The following KLF15 variants were observed in gnomAD, a reference collection of about 807,000 sequenced individuals.
KLF15 encodes Krueppel-like factor 15.
KLF15 carries 4 observed loss-of-function variants against 24.6 expected under a neutral mutation model. That is an observed-to-expected ratio of 0.16 (90% confidence interval 0.08 to 0.37). The LOEUF (loss-of-function observed/expected upper bound fraction) is 0.37. Ranked by LOEUF, KLF15 falls within the 10% of genes least tolerant of loss-of-function variation. The pLI is 1.00. For missense variants in KLF15, 496 were observed against 560.6 expected, an observed-to-expected ratio of 0.88 and a Z score of 1.16; for synonymous variants, 246 against 236.3, an observed-to-expected ratio of 1.04 and a Z score of -0.37.
At chr3:126,333,261 A>G in the KLF15 span, among the ~76,000 whole-genome samples, 16 of 85,004 alleles carry the variant, frequency 1.9e-4, no homozygotes, top group African/African-American at 6.9e-4. Flanking sequence ...AGTGGGGGCC[A>G]ATATTCAACA....
the KLF15 span, among the ~76,000 whole-genome samples, chr3:126,307,867 A>AG: frequency 6.6e-6 from 1 of 151,982 alleles, no homozygotes; most frequent in Non-Finnish European, 1.5e-5. Flanking sequence ...AGTTCCCCCC[A>AG]GGCCAGGCCA....
the KLF15 span, among the ~76,000 whole-genome samples, chr3:126,323,406 TATA>T: frequency 1.4e-4 from 3 of 22,132 alleles, no homozygotes; most frequent in African/African-American, 5.6e-4. Flanking sequence ...CCAGTAGTTA[TATA>T]TATATATATA....
chr3:126,319,945 G>A, the KLF15 span, among the ~76,000 whole-genome samples: 1 of 152,180 alleles, frequency 6.6e-6, no homozygotes, highest in Non-Finnish European at 1.5e-5. Context: ...AGAAGCCTGG[G>A]GAGGCACAGA....
the KLF15 span, among the ~76,000 whole-genome samples, chr3:126,293,405 TG>T: frequency 2.7e-3 from 414 of 152,288 alleles, 4 homozygotes; most frequent in Non-Finnish European, 3.0e-3. Context: ...GGGTGGTATC[TG>T]GAGCTCCGTT....
chr3:126,351,735 CTCATCT>C, intron 2 of KLF15, 100 bp downstream of exon 2: 4 of 1,098,600 alleles, frequency 3.6e-6, no homozygotes, highest in Admixed American at 2.6e-5. Context: ...CCTCCCCTCC[CTCATCT>C]ACCTTCTGTT....
chr3:126,307,202 C>T, the KLF15 span, among the ~76,000 whole-genome samples: 7 of 152,286 alleles, frequency 4.6e-5, no homozygotes, highest in African/African-American at 1.2e-4. Flanking sequence ...CTGGGGCAGA[C>T]GCTCCTTCCC....
In KLF15 at chr3:126,343,526, C is replaced by T. The variant is rs1576581741; in HGVS notation, c.*201G>A. 7.3e-6 allele frequency: 4 copies of T among 550,834 alleles called. No homozygotes were observed. The East Asian group carries it at 1.4e-4, about 19-fold the overall frequency. The allele number at this position is 550,834 out of a possible 1,614,324, so 34.1% of individuals were successfully genotyped here. On this transcript the variant is annotated 3_prime_UTR_variant, in exon 3 of 3. Coordinates refer to ENST00000296233, the MANE Select transcript of KLF15 (RefSeq NM_014079.4). ...GCCCCGTGCGCCTGGGGCCCAGCCC[C>T]CAGGGACGCGGGTTCGAGGCTCTAA...
chr3:126,293,699 A>G, the KLF15 span, among the ~76,000 whole-genome samples: 1 of 152,242 alleles, frequency 6.6e-6, no homozygotes. Flanking sequence ...TTCCTAAATC[A>G]GCACAAGTCG....
At chr3:126,297,513 G>A in the KLF15 span, among the ~76,000 whole-genome samples, 1 of 152,074 alleles carries the variant, frequency 6.6e-6, no homozygotes, top group African/African-American at 2.4e-5. Context: ...GCATGGATAA[G>A]TTCTTTAGTG....
the KLF15 span, among the ~76,000 whole-genome samples, chr3:126,317,843 G>A: frequency 6.6e-6 from 1 of 152,152 alleles, no homozygotes; most frequent in Non-Finnish European, 1.5e-5. Context: ...TTGCCTGGGT[G>A]TCTCTCACTA....
chr3:126,308,570 C>T, the KLF15 span, among the ~76,000 whole-genome samples: 22 of 151,776 alleles, frequency 1.4e-4, no homozygotes, highest in Non-Finnish European at 2.5e-4. Context: ...TTCTGCCTGC[C>T]CTGGTTCTCT....
chr3:126,294,838 C>T, the KLF15 span, among the ~76,000 whole-genome samples: 1 of 151,160 alleles, frequency 6.6e-6, no homozygotes, highest in African/African-American at 2.4e-5. Flanking sequence ...AAAGCCAAGT[C>T]TTTTGCCAGT....
chr3:126,352,912 T>G lies in KLF15; in HGVS notation c.11A>C (p.His4Pro), dbSNP rs200454596. Residue 4 changes from histidine to proline, a missense_variant, in exon 2 of 3, where the codon CAC (histidine) becomes CCC (proline). Coordinates refer to ENST00000296233, the MANE Select transcript of KLF15 (RefSeq NM_014079.4). MVD[H>P]LLPVDENFSS... ...GAAGTTCTCGTCCACTGGAAGTAAG[T>G]GGTCCACCATGCTGGCCTGGCCGTG... 6.2e-7 allele frequency: 1 copy of G among 1,604,810 alleles called. No homozygotes were observed. The highest frequency in any genetic ancestry group is 1.3e-5 in the African/African-American group (1 of 74,978).
rs1407317054 is a variant in KLF15, at chr3:126,343,680, T to A, written c.*47A>T. The A allele has an allele frequency of 7.8e-6, 12 of 1,542,144 alleles. No individual in the cohort carries two copies. The highest frequency in any genetic ancestry group is 1.1e-5 in the Non-Finnish European group (12 of 1,140,586). The stretch of plus-strand genomic sequence containing the variant: ...AAATTATTGCTTAAAAAAATGGGGA[T>A]GGGGTGGGGATCCGGGGTGACGGAC... On this transcript the variant is annotated 3_prime_UTR_variant, in exon 3 of 3. Transcript: ENST00000296233.
At chr3:126,301,953 G>C in the KLF15 span, among the ~76,000 whole-genome samples, 2 of 144,930 alleles carry the variant, frequency 1.4e-5, no homozygotes, top group Non-Finnish European at 3.0e-5. Context: ...TTTTTTCCTA[G>C]TTTCTTAAGG....
chr3:126,331,191 G>T, the KLF15 span, among the ~76,000 whole-genome samples: 1 of 152,146 alleles, frequency 6.6e-6, no homozygotes, highest in Admixed American at 6.5e-5. Context: ...TGGATGCAGG[G>T]CCTGCCCTTC....
At chr3:126,327,562 T>C in the KLF15 span, among the ~76,000 whole-genome samples, 105,677 of 151,896 alleles carry the variant, frequency 0.7, 37,213 homozygotes, top group African/African-American at 0.81. Flanking sequence ...CAGAAGACAC[T>C]TAGGATTTTG....
At chr3:126,321,883 A>T in the KLF15 span, among the ~76,000 whole-genome samples, 1 of 152,162 alleles carries the variant, frequency 6.6e-6, no homozygotes, top group African/African-American at 2.4e-5. Flanking sequence ...GCAGGTTTTA[A>T]CATAGAGTTT....
chr3:126,341,964 C>T (rs1374567380), downstream of KLF15, among the ~76,000 whole-genome samples: 2 of 152,176 alleles, frequency 1.3e-5, no homozygotes, highest in Non-Finnish European at 2.9e-5. Flanking sequence ...CTGTGGGGCT[C>T]ATAGCCCCTC....
Sources: allele counts gnomAD v4.1 joint callset (sites outside exome capture counted in the v4.1 genomes callset), GRCh38; gene constraint gnomAD v4.1.1; transcripts MANE v1.5; gene names NCBI Gene and HGNC (gene_info 2026-07-23, HGNC 2026-07-21).